Variants in ARAP2 observed in about 807,000 individuals in gnomAD.
ARAP2 encodes ArfGAP with RhoGAP domain, ankyrin repeat and PH domain 2.
Under a neutral mutation model 194.5 loss-of-function variants are expected in ARAP2, and 148 were observed. That is an observed-to-expected ratio of 0.76 (90% CI 0.67 to 0.87). The LOEUF (loss-of-function observed/expected upper bound fraction) is 0.87, where lower values mean the gene tolerates loss of function less well. ARAP2 is among the 40% of genes least tolerant of loss of function. The probability of loss-of-function intolerance (pLI) is 0.00; values close to 1 mark genes in which losing one functional copy is unlikely to be tolerated. For missense variants in ARAP2, 2,128 were observed against 1,989.7 expected (o/e 1.07, Z -1.32); for synonymous variants, 695 against 683.5 (o/e 1.02, Z -0.26).
chr4:36,178,097 C>T, intron 8 of ARAP2, 92 bp from the exon 9 acceptor site: 1 of 1,098,210 alleles, frequency 9.1e-7, no homozygotes, highest in African/African-American at 1.6e-5. Context: ...CTTTGCAACA[C>T]ATAAGTGACA....
At chr4:36,224,857 T>C (rs527249109) in intron 2 of ARAP2, among the ~76,000 whole-genome samples, 29 of 152,142 alleles carry the variant, frequency 1.9e-4, no homozygotes, top group Non-Finnish European at 3.2e-4. Context: ...AAACATAAAA[T>C]TTTCTTGAAG....
At chr4:36,228,492 TTAGA>T (rs1750805435) in intron 2 of ARAP2, 86 bp downstream of exon 2, 3 of 1,364,332 alleles carry the variant, frequency 2.2e-6, no homozygotes, top group Non-Finnish European at 3.0e-6. Flanking sequence ...ACAGTCAAAT[TTAGA>T]TAGGAACACT....
chr4:36,123,947 A>G (rs1389306094), intron 22 of ARAP2, among the ~76,000 whole-genome samples: 2 of 151,812 alleles, frequency 1.3e-5, no homozygotes, highest in Non-Finnish European at 2.9e-5. Flanking sequence ...CATTCAATTT[A>G]TCCTCTATAA....
downstream of ARAP2, chr4:36,065,557 C>T: frequency 4.4e-6 from 1 of 229,192 alleles, no homozygotes; most frequent in East Asian, 1.3e-4. Flanking sequence ...ATGGGCCTCA[C>T]CAGTCAGCTC....
intron 20 of ARAP2, among the ~76,000 whole-genome samples, chr4:36,132,674 AT>A (rs1485758132): frequency 6.6e-6 from 1 of 151,794 alleles, no homozygotes; most frequent in Non-Finnish European, 1.5e-5. Flanking sequence ...GTACAGATCA[AT>A]GTATTTTTTA....
At chr4:36,036,164 C>T (rs1719885885) in intron 5 of ARAP2, among the ~76,000 whole-genome samples, 1 of 151,786 alleles carries the variant, frequency 6.6e-6, no homozygotes, top group Admixed American at 6.6e-5. Flanking sequence ...CAATACACAC[C>T]ACACACACAC....
intron 32 of ARAP2, 142 bp downstream of exon 32, chr4:36,073,547 T>C (rs1216283117): frequency 5.3e-6 from 5 of 941,890 alleles, no homozygotes; most frequent in Non-Finnish European, 7.7e-6. Flanking sequence ...GTTTTCTTGC[T>C]GTATGTGATT....
chr4:36,043,716 G>A (rs1206344373), intron 5 of ARAP2, among the ~76,000 whole-genome samples: 1 of 149,948 alleles, frequency 6.7e-6, no homozygotes, highest in African/African-American at 2.4e-5. Context: ...TCGTGTTTGT[G>A]AAGAGCCACC....
At chr4:36,125,137 G>A (rs955490528) in intron 21 of ARAP2, among the ~76,000 whole-genome samples, 170 bp from the exon 22 acceptor site, 1 of 151,806 alleles carries the variant, frequency 6.6e-6, no homozygotes, top group Non-Finnish European at 1.5e-5. Flanking sequence ...CTATTAATCT[G>A]GAAAAGCATT....
intron 7 of ARAP2, among the ~76,000 whole-genome samples, chr4:36,191,205 G>A (rs1257205618): frequency 6.6e-6 from 1 of 152,134 alleles, no homozygotes; most frequent in Non-Finnish European, 1.5e-5. Context: ...TCCCTCTAGT[G>A]AGATAATTAA....
chr4:36,148,255 C>A, intron 17 of ARAP2, 150 bp downstream of exon 17: 1 of 571,310 alleles, frequency 1.8e-6, no homozygotes, highest in Non-Finnish European at 3.0e-6. Flanking sequence ...GTAGCTACCT[C>A]TTTTGACTAC....
At chr4:36,090,132 T>C (rs1713170240) in intron 28 of ARAP2, among the ~76,000 whole-genome samples, 1 of 152,088 alleles carries the variant, frequency 6.6e-6, no homozygotes. Context: ...TGAATACCTC[T>C]ATGCATATAA....
intron 26 of ARAP2, among the ~76,000 whole-genome samples, chr4:36,108,052 A>C (rs1718890366): frequency 6.6e-6 from 1 of 151,764 alleles, no homozygotes; most frequent in South Asian, 2.1e-4. Flanking sequence ...TATTATTTTG[A>C]GACAGGGTTT....
intron 10 of ARAP2, among the ~76,000 whole-genome samples, 171 bp downstream of exon 10, chr4:36,166,761 T>C (rs1194932134): frequency 6.6e-6 from 1 of 152,068 alleles, no homozygotes; most frequent in African/African-American, 2.4e-5. Flanking sequence ...ATTATTGAGG[T>C]CACTTTTACA....
chr4:36,213,721 A>G (rs901760206), intron 3 of ARAP2, among the ~76,000 whole-genome samples: 8 of 152,080 alleles, frequency 5.3e-5, no homozygotes, highest in Non-Finnish European at 1.0e-4. Context: ...TCTATAACTT[A>G]CAATAAATAA....
chr4:36,023,166 A>C (rs899936312), intron 5 of ARAP2, among the ~76,000 whole-genome samples: 3 of 152,188 alleles, frequency 2.0e-5, no homozygotes, highest in African/African-American at 7.2e-5. Flanking sequence ...TAAATGTCCT[A>C]ACTAGGCTGC....
chr4:36,107,341 TGA>T (rs1718671913), intron 27 of ARAP2, among the ~76,000 whole-genome samples: 1 of 152,022 alleles, frequency 6.6e-6, no homozygotes. Context: ...TCCAAAAACC[TGA>T]ACTTGGTACA....
chr4:36,038,776 T>C (rs1720354328), intron 5 of ARAP2, among the ~76,000 whole-genome samples: 1 of 152,204 alleles, frequency 6.6e-6, no homozygotes, highest in Non-Finnish European at 1.5e-5. Flanking sequence ...ATGGATAATG[T>C]TGGCTCTTAC....
intron 25 of ARAP2, among the ~76,000 whole-genome samples, chr4:36,116,608 G>A (rs1721381360): frequency 1.3e-5 from 2 of 151,814 alleles, no homozygotes; most frequent in Non-Finnish European, 2.9e-5. Flanking sequence ...AATTATAACA[G>A]CACTAGTAGT....
Sources: allele counts gnomAD v4.1 joint callset (sites outside exome capture counted in the v4.1 genomes callset), GRCh38; gene constraint gnomAD v4.1.1; transcripts MANE v1.5; gene names NCBI Gene and HGNC (gene_info 2026-07-23, HGNC 2026-07-21).